NLGN1: variants seen among roughly 807,000 people sequenced by gnomAD.
The protein encoded by NLGN1 is neuroligin-1.
In NLGN1, 12 loss-of-function variants were observed where a neutral mutation model predicts 65.5. That is an observed-to-expected ratio of 0.18 (90% CI 0.12 to 0.30). The LOEUF (loss-of-function observed/expected upper bound fraction) is 0.30. NLGN1 is among the 10% of genes least tolerant of loss of function. The pLI is 1.00. For missense variants in NLGN1, 750 were observed against 1,007.1 expected (o/e 0.74, Z 3.46); for synonymous variants, 350 against 359.5 (o/e 0.97, Z 0.30).
At chr3:173,712,205 T>C (rs1157607892) in intron 3 of NLGN1, among the ~76,000 whole-genome samples, 1 of 152,176 alleles carries the variant, frequency 6.6e-6, no homozygotes, top group East Asian at 1.9e-4. Flanking sequence ...TTTAGTTAGT[T>C]CATGTAATTA....
intron 4 of NLGN1, among the ~76,000 whole-genome samples, chr3:174,041,076 C>G (rs989501099): frequency 2.6e-5 from 4 of 152,034 alleles, no homozygotes; most frequent in South Asian, 2.1e-4. Flanking sequence ...ACAAACATAC[C>G]TGTGTAAGCC....
chr3:174,202,407 G>A (rs1305361782), intron 4 of NLGN1, among the ~76,000 whole-genome samples: 7 of 151,866 alleles, frequency 4.6e-5, no homozygotes, highest in Non-Finnish European at 1.0e-4. Context: ...ACCAGGGGGT[G>A]AAAATAGCAT....
At chr3:173,522,715 G>A (rs1218330035) in intron 2 of NLGN1, among the ~76,000 whole-genome samples, 1 of 152,142 alleles carries the variant, frequency 6.6e-6, no homozygotes, top group Non-Finnish European at 1.5e-5. Context: ...TTACAGGTGT[G>A]AGCCACCCTG....
exon 7 of NLGN1, chr3:174,281,673 C>T (rs778929542): frequency 6.3e-5 from 11 of 173,746 alleles, no homozygotes; most frequent in Admixed American, 1.2e-4. Context: ...ACAAGGGACA[C>T]ACCAGTGGAA....
At chr3:173,814,328 C>T (rs1718592706) in intron 4 of NLGN1, among the ~76,000 whole-genome samples, 1 of 152,194 alleles carries the variant, frequency 6.6e-6, no homozygotes, top group African/African-American at 2.4e-5. Flanking sequence ...TTTCTTCTCT[C>T]AAATATGTTA....
intron 4 of NLGN1, among the ~76,000 whole-genome samples, chr3:173,921,316 A>T (rs1167126211): frequency 6.8e-6 from 1 of 147,984 alleles, no homozygotes; most frequent in Non-Finnish European, 1.5e-5. Context: ...ACTATATATT[A>T]TATATAGTGG....
chr3:173,987,146 G>A (rs1720122986), intron 4 of NLGN1, among the ~76,000 whole-genome samples: 1 of 152,122 alleles, frequency 6.6e-6, no homozygotes, highest in East Asian at 1.9e-4. Context: ...AAATTGAAGT[G>A]AATCTTCCCT....
intron 4 of NLGN1, among the ~76,000 whole-genome samples, chr3:174,066,301 G>T (rs967042736): frequency 3.3e-5 from 5 of 151,680 alleles, no homozygotes; most frequent in African/African-American, 9.7e-5. Context: ...GAAAATTATG[G>T]ACAGGTTTTT....
chr3:174,278,780 A>C (rs1296272140), intron 5 of NLGN1, 81 bp from the exon 6 acceptor site: 1 of 1,132,450 alleles, frequency 8.8e-7, no homozygotes, highest in South Asian at 2.1e-5. Context: ...TTTTATATAC[A>C]TGTCTAAAAT....
At chr3:173,661,144 T>G (rs1258745589) in intron 3 of NLGN1, among the ~76,000 whole-genome samples, 1 of 151,982 alleles carries the variant, frequency 6.6e-6, no homozygotes, top group African/African-American at 2.4e-5. Context: ...ATGAAAGAAA[T>G]ATGTAGATGG....
At chr3:173,614,813 C>T (rs1398855612) in intron 3 of NLGN1, among the ~76,000 whole-genome samples, 1 of 152,118 alleles carries the variant, frequency 6.6e-6, no homozygotes, top group Non-Finnish European at 1.5e-5. Flanking sequence ...CTTTTCTTCA[C>T]TTTTCTTCTC....
chr3:173,999,501 C>G (rs1476406360), intron 4 of NLGN1, among the ~76,000 whole-genome samples: 2 of 152,038 alleles, frequency 1.3e-5, no homozygotes, highest in Non-Finnish European at 2.9e-5. Flanking sequence ...AACCGTACAT[C>G]TTGTAATAAT....
chr3:173,960,844 T>C (rs1404968311), intron 4 of NLGN1, among the ~76,000 whole-genome samples: 1 of 152,014 alleles, frequency 6.6e-6, no homozygotes, highest in Non-Finnish European at 1.5e-5. Flanking sequence ...TAGTTAAATA[T>C]AAGATTATTC....
intron 4 of NLGN1, among the ~76,000 whole-genome samples, chr3:173,842,308 C>G (rs1268429584): frequency 6.6e-6 from 1 of 152,138 alleles, no homozygotes; most frequent in East Asian, 1.9e-4. Flanking sequence ...GACACAGACA[C>G]AATCATAACA....
At chr3:173,481,346 T>A (rs927299661) in intron 2 of NLGN1, among the ~76,000 whole-genome samples, 2 of 152,032 alleles carry the variant, frequency 1.3e-5, no homozygotes, top group Non-Finnish European at 2.9e-5. Context: ...GAAAGGAAAC[T>A]AAATATTACA....
chr3:173,891,589 C>G (rs753720560), intron 4 of NLGN1, among the ~76,000 whole-genome samples: 2 of 152,142 alleles, frequency 1.3e-5, no homozygotes, highest in Non-Finnish European at 2.9e-5. Flanking sequence ...GAGCCATCCA[C>G]AAACCTTAAA....
intron 3 of NLGN1, among the ~76,000 whole-genome samples, chr3:173,703,595 T>C (rs1194696690): frequency 6.6e-6 from 1 of 152,190 alleles, no homozygotes; most frequent in Non-Finnish European, 1.5e-5. Context: ...CCAAAAATAA[T>C]TTTAAGAAAC....
rs553102792 is a variant in NLGN1, at chr3:173,778,162, T to TA, written c.494-29510dup. On this transcript the variant is annotated intron_variant, in intron 3 of 6. Coordinates refer to ENST00000457714, the Ensembl canonical transcript of NLGN1. ...ACAATTTCTTTAGTGTCTGTTTTTT[T>TA]AAAAAAAACCTGTTTTTCATTGTGT... is the stretch of plus-strand genomic sequence containing the variant. 1.5e-3 allele frequency among the ~76,000 whole-genome samples: 224 copies of TA among 151,834 alleles called. 3 individuals carry two copies. The highest frequency in any genetic ancestry group is 5.4e-3 in the South Asian group (26 of 4,822).
chr3:173,704,686 T>G (rs1767774928), intron 3 of NLGN1, among the ~76,000 whole-genome samples: 1 of 152,170 alleles, frequency 6.6e-6, no homozygotes, highest in Non-Finnish European at 1.5e-5. Context: ...CTCAGTGAGA[T>G]TATTCTTAAT....
Sources: allele counts gnomAD v4.1 joint callset (sites outside exome capture counted in the v4.1 genomes callset), GRCh38; gene constraint gnomAD v4.1.1; transcripts MANE v1.5; gene names NCBI Gene and HGNC (gene_info 2026-07-23, HGNC 2026-07-21).